The following TEX261 variants were observed in gnomAD, a reference collection of about 807,000 sequenced individuals.
TEX261 encodes the protein protein TEX261.
Under a neutral mutation model 25.1 loss-of-function variants are expected in TEX261, and 13 were observed. That is an observed-to-expected ratio of 0.52 (90% CI 0.34 to 0.82). The LOEUF (loss-of-function observed/expected upper bound fraction) is 0.82, where lower values mean the gene tolerates loss of function less well. Among genes scored for constraint, TEX261 ranks in the 40% least tolerant of loss-of-function variants. The pLI is 0.02. For missense variants in TEX261, 206 were observed against 243.2 expected, an observed-to-expected ratio of 0.85 and a Z score of 1.02; for synonymous variants, 92 against 97.8, an observed-to-expected ratio of 0.94 and a Z score of 0.35.
At chr2:70,993,644 T>C (rs1670346924) in intron 2 of TEX261, 52 bp downstream of exon 2, 1 of 1,479,178 alleles carries the variant, frequency 6.8e-7, no homozygotes, top group Non-Finnish European at 9.5e-7. Context: ...CTTCCTGCTT[T>C]TGAGGCAGGG....
Position 70,994,832 on chromosome 2 carries a change from ACCGCCGCCGCCGCCGCCGCGTCC to A in TEX261, c.-98_-76del. ...TCGGCTCCGGCGACACACAGCCGCC[ACCGCCGCCGCCGCCGCCGCGTCC>A]CCGCCCCGCGGACGACAGGACGACG... On this transcript the variant is annotated 5_prime_UTR_variant, in exon 1 of 6. Coordinates refer to ENST00000272438, the MANE Select transcript of TEX261 (RefSeq NM_144582.3). 2 of 1,270,070 alleles carry A rather than the reference ACCGCCGCCGCCGCCGCCGCGTCC, an allele frequency of 1.6e-6. No homozygotes were observed. The highest frequency in any genetic ancestry group is 5.8e-5 in the South Asian group (2 of 34,534). 78.7% of individuals were successfully genotyped at this position (1,270,070 alleles called of 1,614,324 possible).
At chr2:70,990,725 G>A (rs1553425546) in intron 3 of TEX261, among the ~76,000 whole-genome samples, 1 of 152,188 alleles carries the variant, frequency 6.6e-6, no homozygotes, top group African/African-American at 2.4e-5. Flanking sequence ...ATAATGGGAG[G>A]TAGGATAGTG....
At chr2:70,994,633 A>G in intron 1 of TEX261, 55 bp downstream of exon 1, 2 of 1,557,252 alleles carry the variant, frequency 1.3e-6, no homozygotes, top group Middle Eastern at 1.7e-4. Flanking sequence ...GCGACCCCCA[A>G]CGAGCACCGA....
chr2:70,994,317 A>G (rs1306832860), intron 1 of TEX261, among the ~76,000 whole-genome samples: 1 of 152,270 alleles, frequency 6.6e-6, no homozygotes, highest in East Asian at 1.9e-4. Flanking sequence ...AAAGGTGGAG[A>G]GAGCAGGGAG....
At position 70,993,775 on chromosome 2, in the gene TEX261, G is replaced by C. The variant is rs1572943214; in HGVS notation, c.71C>G (p.Ala24Gly). Residue 24 changes from alanine (A) to glycine (G), a missense_variant and splice_region_variant, in exon 2 of 6, where the codon GCG (alanine) becomes GGG (glycine). Coordinates refer to ENST00000272438, the MANE Select transcript of TEX261 (RefSeq NM_144582.3). Reference sequence around the variant, plus strand: ...TTCTGCCAGGTAATAGAGTCCAGCCGCTGCAGGGTGGGAGGCAGGGAGACT... The same window carrying C: ...TTCTGCCAGGTAATAGAGTCCAGCCCCTGCAGGGTGGGAGGCAGGGAGACT... ...IQVAFITLAV[A>G]AGLYYLAELI... The C allele has an allele frequency of 6.2e-7, 1 of 1,612,092 alleles. No individual in the cohort carries two copies. The highest frequency in any genetic ancestry group is 8.5e-7 in the Non-Finnish European group (1 of 1,179,622).
chr2:70,994,435 G>A (rs534434608), intron 1 of TEX261: 6 of 552,676 alleles, frequency 1.1e-5, no homozygotes, highest in Non-Finnish European at 1.9e-5. Context: ...GCAGACGCGG[G>A]GGCGGCACTC....
At position 70,989,026 on chromosome 2, in the gene TEX261, A is replaced by G. The variant is rs1670251281; in HGVS notation, c.373-9T>C. 1 of 1,611,028 alleles carries G rather than the reference A, an allele frequency of 6.2e-7. No individual in the cohort carries two copies. The highest frequency in any genetic ancestry group is 1.3e-5 in the African/African-American group (1 of 75,032). On this transcript the variant is annotated splice_polypyrimidine_tract_variant and intron_variant, in intron 4 of 5. Coordinates refer to ENST00000272438, the MANE Select transcript of TEX261 (RefSeq NM_144582.3). ...GTGAAATAGGCCAGGACCTGGCAAC[A>G]AGAGAGACTGAGAAGAGGGTGCCCC...
intron 2 of TEX261, 55 bp downstream of exon 2, chr2:70,993,641 C>T (rs888037861): frequency 6.8e-7 from 1 of 1,460,994 alleles, no homozygotes; most frequent in Non-Finnish European, 9.6e-7. Flanking sequence ...CCACTTCCTG[C>T]TTTTGAGGCA....
At chr2:70,994,013 A>G (rs372857910) in intron 1 of TEX261, among the ~76,000 whole-genome samples, 13 of 152,374 alleles carry the variant, frequency 8.5e-5, no homozygotes, top group Middle Eastern at 6.8e-3. Flanking sequence ...GTACAATGAT[A>G]ACCTCTGGCT....
rs149762858 is a variant in TEX261, at chr2:70,991,873, G to A, written c.261C>T (p.Phe87=). ...TAGGCGAGGTCAGCATGATGAAGGG[G>A]AAGGTCTGGAGGAGGCCAAAGTAGA... ...NLVYFGLLQT[F]PFIMLTSPNF... is the part of the protein sequence containing the mutation. Residue 87 remains phenylalanine (F), a synonymous_variant, in exon 3 of 6, where the codon TTC becomes TTT. Coordinates refer to ENST00000272438, the MANE Select transcript of TEX261 (RefSeq NM_144582.3). 71 of 1,613,860 alleles carry A rather than the reference G, an allele frequency of 4.4e-5. No homozygotes were observed. In the African/African-American group the frequency reaches 8.5e-4, roughly 19 times the overall value.
rs138894839 is a variant in TEX261 at position 70,988,449 on chromosome 2, C to A, written c.*151G>T. ...TCAGATCTGAGCCAAGCTGAGCCCC[C>A]CAAGGAGGGTGGGGATGGGGCTCCA... On this transcript the variant is annotated 3_prime_UTR_variant, in exon 6 of 6. Transcript: ENST00000272438. 3.1e-5 allele frequency: 20 copies of A among 637,792 alleles called. No homozygotes were observed. Among genetic ancestry groups the A allele is most frequent in the Admixed American group, 2.9e-4 (11 of 37,416 alleles). 39.5% of individuals were successfully genotyped at this position (637,792 alleles called of 1,614,324 possible). A position where few individuals can be genotyped will look rare whatever the true frequency, so the allele number is the denominator to read the frequency against.
chr2:70,991,667 G>T, intron 3 of TEX261, 163 bp downstream of exon 3: 1 of 759,100 alleles, frequency 1.3e-6, no homozygotes, highest in Non-Finnish European at 2.1e-6. Flanking sequence ...GCCAAGGTGG[G>T]CTCTAGAGTC....
chr2:70,994,718 T>C lies in TEX261; in HGVS notation c.40A>G (p.Ile14Val). The C allele has an allele frequency of 1.2e-6, 2 of 1,606,296 alleles. No individual in the cohort carries two copies. Among genetic ancestry groups the C allele is most frequent in the South Asian group, 1.1e-5 (1 of 89,862 alleles). Reference protein sequence around the residue: ...MYLLSWLSLFIQVAFITLAVA... With the variant: ...MYLLSWLSLFVQVAFITLAVA... ...GCCAGCGTGATGAAGGCCACCTGGA[T>C]GAAGAGCGACAGCCAGCTCAGCAGG... is the stretch of plus-strand genomic sequence containing the variant. The change falls in exon 1 of 6, where the codon ATC becomes GTC. Residue 14 changes from isoleucine (I) to valine (V), a missense_variant. Ile to Val is a conservative substitution (Grantham distance 29). Coordinates refer to ENST00000272438, the MANE Select transcript of TEX261 (RefSeq NM_144582.3).
chr2:70,993,099 C>T (rs983883371), intron 2 of TEX261, among the ~76,000 whole-genome samples: 7 of 152,332 alleles, frequency 4.6e-5, no homozygotes, highest in Middle Eastern at 3.4e-3. Flanking sequence ...ACTTGAGGGG[C>T]TGTGGACGCT....
intron 4 of TEX261, 100 bp from the exon 5 acceptor site, chr2:70,989,117 C>T: frequency 3.1e-6 from 3 of 971,204 alleles, no homozygotes; most frequent in South Asian, 1.4e-5. Context: ...GGGGGCCACA[C>T]CTGATCTCCA....
chr2:70,993,807 C>A, intron 1 of TEX261, 32 bp from the exon 2 acceptor site: 2 of 1,566,866 alleles, frequency 1.3e-6, no homozygotes, highest in Middle Eastern at 2.2e-4. Context: ...GACTATCAGC[C>A]AGGGTCACTC....
At chr2:70,994,245 C>G (rs1002812203) in intron 1 of TEX261, among the ~76,000 whole-genome samples, 2 of 152,252 alleles carry the variant, frequency 1.3e-5, no homozygotes, top group South Asian at 2.1e-4. Flanking sequence ...CCCCTGTGGA[C>G]TTCCCGGAAA....
At chr2:70,989,546 G>A in intron 4 of TEX261, 4 of 561,268 alleles carry the variant, frequency 7.1e-6, no homozygotes, top group Non-Finnish European at 1.3e-5. Context: ...GAAGAGCAGT[G>A]TCCTCCCCAC....
At chr2:70,989,316 C>A in intron 4 of TEX261, 1 of 484,666 alleles carries the variant, frequency 2.1e-6, no homozygotes, top group Non-Finnish European at 3.8e-6. Context: ...GACCCACACC[C>A]CCCAAAGAAG....
Sources: gnomAD v4.1 joint callset for allele counts (sites outside exome capture counted in the v4.1 genomes callset) on GRCh38, gnomAD v4.1.1 for gene constraint, MANE v1.5 for transcripts, NCBI Gene and HGNC (gene_info 2026-07-23, HGNC 2026-07-21) for gene names.